ARSB: variants seen among roughly 807,000 people sequenced by gnomAD.
ARSB encodes the protein arylsulfatase B.
ARSB carries 41 observed loss-of-function variants against 50.9 expected under a neutral mutation model. That is an observed-to-expected ratio of 0.81 (90% CI 0.63 to 1.04). ARSB has a LOEUF of 1.04. Among genes scored for constraint, ARSB ranks in the 50% least tolerant of loss-of-function variants. ARSB has a pLI of 0.00. For missense variants in ARSB, 672 were observed against 693.3 expected (o/e 0.97, Z 0.35); for synonymous variants, 269 against 284.8 (o/e 0.94, Z 0.56).
chr5:78,925,938 G>A (rs114461173), intron 4 of ARSB, among the ~76,000 whole-genome samples: 3,775 of 152,104 alleles, frequency 0.025, 165 homozygotes, highest in African/African-American at 0.085. Flanking sequence ...AAAAAAGATT[G>A]TTTCTATTTT....
At chr5:78,940,956 T>G (rs1456691624) in intron 4 of ARSB, among the ~76,000 whole-genome samples, 8 of 152,126 alleles carry the variant, frequency 5.3e-5, no homozygotes, top group Non-Finnish European at 1.0e-4. Context: ...CTCTTTTATT[T>G]CATTGAGCAG....
intron 6 of ARSB, among the ~76,000 whole-genome samples, chr5:78,812,585 C>T (rs1743848110): frequency 1.1e-5 from 1 of 90,908 alleles, no homozygotes; most frequent in South Asian, 4.3e-4. Flanking sequence ...TATGAACATT[C>T]TGTTCAAACA....
chr5:78,911,718 T>C (rs1749321899), intron 4 of ARSB, among the ~76,000 whole-genome samples: 1 of 149,468 alleles, frequency 6.7e-6, no homozygotes, highest in South Asian at 2.1e-4. Flanking sequence ...GCAGAAAAGA[T>C]GAAGTGTTGA....
Position 78,779,302 on chromosome 5 carries a change from T to G in ARSB, c.*1095A>C, listed in dbSNP as rs1580960116. 6.6e-6 allele frequency: 1 copy of G among 152,144 alleles called. No individual in the cohort carries two copies. Among genetic ancestry groups the G allele is most frequent in the Non-Finnish European group, 1.5e-5 (1 of 68,028 alleles). The allele number at this position is 152,144 out of a possible 1,614,324, so 9.4% of individuals were successfully genotyped here. A position where few individuals can be genotyped will look rare whatever the true frequency, so the allele number is the denominator to read the frequency against. ...ACAGAGAATAAGAGGACTGTGGGTG[T>G]GCCCTCCTCTGCTTTACCAAGGCCC... On this transcript the variant is annotated 3_prime_UTR_variant, in exon 8 of 8. Coordinates refer to ENST00000264914, the MANE Select transcript of ARSB (RefSeq NM_000046.5).
chr5:78,958,492 C>T (rs1386704397), intron 3 of ARSB, among the ~76,000 whole-genome samples: 5 of 152,158 alleles, frequency 3.3e-5, no homozygotes, highest in African/African-American at 4.8e-5. Flanking sequence ...GTATAGAAAT[C>T]ATTCTACTCA....
chr5:78,888,559 C>T (rs1204743132), intron 4 of ARSB, among the ~76,000 whole-genome samples: 3 of 152,214 alleles, frequency 2.0e-5, no homozygotes, highest in Non-Finnish European at 4.4e-5. Flanking sequence ...AATAGATACA[C>T]TTCTCTGAGG....
chr5:78,878,751 T>C (rs1257794410), intron 5 of ARSB, among the ~76,000 whole-genome samples: 1 of 152,186 alleles, frequency 6.6e-6, no homozygotes, highest in Non-Finnish European at 1.5e-5. Context: ...ACTAAGTTTT[T>C]AAGATATTTT....
At chr5:78,876,993 G>A (rs1017304320) in intron 5 of ARSB, among the ~76,000 whole-genome samples, 8 of 152,116 alleles carry the variant, frequency 5.3e-5, no homozygotes, top group African/African-American at 1.9e-4. Context: ...ACTATCCCCC[G>A]ACCAACCCTG....
intron 4 of ARSB, among the ~76,000 whole-genome samples, chr5:78,934,149 C>T (rs1383001229): frequency 6.6e-6 from 1 of 152,168 alleles, no homozygotes; most frequent in Non-Finnish European, 1.5e-5. Context: ...ACCAAATAGC[C>T]CAATGCTTAC....
chr5:78,779,589 C>T lies in ARSB; in HGVS notation c.*808G>A, dbSNP rs535536121. 6.6e-6 allele frequency: 1 copy of T among 152,428 alleles called. No homozygotes were observed. The highest frequency in any genetic ancestry group is 2.1e-4 in the South Asian group (1 of 4,822). 9.4% of individuals were successfully genotyped at this position (152,428 alleles called of 1,614,324 possible). On this transcript the variant is annotated 3_prime_UTR_variant, in exon 8 of 8. Transcript: ENST00000264914. ...TTACGGGGAGGCCTCTAGCTTCAGC[C>T]CTAGGGGCAAAAGTAAGGCAGGGCT...
At chr5:78,964,932 A>T (rs1179681721) in intron 2 of ARSB, among the ~76,000 whole-genome samples, 1 of 152,204 alleles carries the variant, frequency 6.6e-6, no homozygotes. Context: ...AATGGTAAAA[A>T]TAATGTACAG....
rs11749494 is a variant in ARSB, at chr5:78,955,688, C to T, written c.691-186G>A. ...CTCCAGAATATATAAAGAACCCTTA[C>T]AACTCAATGATAACTCAACTACAAA... On this transcript the variant is annotated intron_variant, in intron 3 of 7. Transcript: ENST00000264914. Among the ~76,000 whole-genome samples the T allele has an allele frequency of 0.13, 20,482 of 152,158 alleles. 1,540 individuals are homozygous for T. The highest frequency in any genetic ancestry group is 0.22 in the Middle Eastern group (64 of 294).
At chr5:78,813,214 G>A (rs569970433) in intron 6 of ARSB, among the ~76,000 whole-genome samples, 10 of 151,900 alleles carry the variant, frequency 6.6e-5, no homozygotes, top group South Asian at 6.3e-4. Flanking sequence ...ACAGGCATGT[G>A]CCACCACACC....
chr5:78,984,673 G>A (rs1302162249), intron 1 of ARSB, among the ~76,000 whole-genome samples: 1 of 152,138 alleles, frequency 6.6e-6, no homozygotes, highest in Non-Finnish European at 1.5e-5. Flanking sequence ...CGGAGCTTCA[G>A]AAAACGAAAG....
intron 4 of ARSB, among the ~76,000 whole-genome samples, chr5:78,933,630 A>G (rs1456595237): frequency 6.6e-6 from 1 of 152,186 alleles, no homozygotes; most frequent in Admixed American, 6.5e-5. Context: ...TGTGTGGTGA[A>G]TGTTTCTCCT....
At chr5:78,923,178 C>T (rs544540473) in intron 4 of ARSB, among the ~76,000 whole-genome samples, 18 of 152,222 alleles carry the variant, frequency 1.2e-4, no homozygotes, top group Admixed American at 2.6e-4. Context: ...TGACCACCGC[C>T]ACAGGTGGCT....
At chr5:78,939,654 G>A (rs1467410842) in intron 4 of ARSB, among the ~76,000 whole-genome samples, 1 of 152,120 alleles carries the variant, frequency 6.6e-6, no homozygotes, top group Admixed American at 6.5e-5. Context: ...GTGTGTATGT[G>A]CCACATTTTC....
At chr5:78,874,955 A>G (rs1445183308) in intron 5 of ARSB, among the ~76,000 whole-genome samples, 7 of 151,890 alleles carry the variant, frequency 4.6e-5, no homozygotes, top group Admixed American at 3.9e-4. Flanking sequence ...CAAAATAAAA[A>G]TTTAAAAATT....
chr5:78,803,138 G>C (rs890866868), intron 6 of ARSB, among the ~76,000 whole-genome samples: 6 of 152,252 alleles, frequency 3.9e-5, no homozygotes, highest in African/African-American at 1.4e-4. Context: ...GACAGATGAA[G>C]AGCAGGCCCT....
Sources: gnomAD v4.1 joint callset for allele counts (sites outside exome capture counted in the v4.1 genomes callset) on GRCh38, gnomAD v4.1.1 for gene constraint, MANE v1.5 for transcripts, NCBI Gene and HGNC (gene_info 2026-07-23, HGNC 2026-07-21) for gene names.